The following NRXN2 variants were observed in gnomAD, a reference collection of about 807,000 sequenced individuals.
NRXN2 encodes the protein neurexin-2-beta.
In NRXN2, 29 loss-of-function variants were observed where a neutral mutation model predicts 128.8. That is an observed-to-expected ratio of 0.23 (90% CI 0.17 to 0.31). The LOEUF (loss-of-function observed/expected upper bound fraction) is 0.31, where lower values mean the gene tolerates loss of function less well. NRXN2 is among the 10% of genes least tolerant of loss of function. The pLI, the probability that NRXN2 is intolerant of heterozygous loss-of-function variation, is 1.00. For missense variants in NRXN2, 1,881 were observed against 2,452.6 expected (o/e 0.77, Z 4.92); for synonymous variants, 1,098 against 1,075.2 (o/e 1.02, Z -0.41).
At chr11:64,646,894 G>A (rs1263334262) in intron 17 of NRXN2, among the ~76,000 whole-genome samples, 5 of 152,202 alleles carry the variant, frequency 3.3e-5, no homozygotes, top group Non-Finnish European at 7.3e-5. Flanking sequence ...AAAATCTTGG[G>A]AGACAGAGTG....
At position 64,700,449 on chromosome 11, in the gene NRXN2, ATTAG is replaced by A. The variant is rs775635937; in HGVS notation, c.731-2661_731-2658del. ...TGCCCTCATAGGTTCCAGAGATTCCATTAGTTAGCCATGTGCTGGGCACCGTACT... is the reference window on the plus strand; with the variant it reads ...TGCCCTCATAGGTTCCAGAGATTCCATTAGCCATGTGCTGGGCACCGTACT... On this transcript the variant is annotated intron_variant, in intron 2 of 22. Coordinates refer to ENST00000265459, the MANE Select transcript of NRXN2 (RefSeq NM_015080.4). Among the ~76,000 whole-genome samples, 6 of 152,326 alleles carry A rather than the reference ATTAG, an allele frequency of 3.9e-5. No homozygotes were observed. The South Asian group carries it at 1.2e-3, about 32-fold the overall frequency.
At chr11:64,633,747 A>C (rs1477436423) in intron 18 of NRXN2, among the ~76,000 whole-genome samples, 1 of 151,942 alleles carries the variant, frequency 6.6e-6, no homozygotes, top group African/African-American at 2.4e-5. Context: ...ACACATCACC[A>C]TGCATCCAGT....
chr11:64,608,172 A>G, intron 22 of NRXN2, 90 bp from the exon 23 acceptor site: 2 of 999,244 alleles, frequency 2.0e-6, no homozygotes, highest in Admixed American at 4.0e-5. Flanking sequence ...ACAGCCTCAC[A>G]CACCCAAATC....
At chr11:64,677,527 C>G (rs1271167151) in intron 6 of NRXN2, among the ~76,000 whole-genome samples, 1 of 152,228 alleles carries the variant, frequency 6.6e-6, no homozygotes, top group Non-Finnish European at 1.5e-5. Context: ...CCTTGCCCCA[C>G]CTGTCCCTGC....
intron 17 of NRXN2, chr11:64,642,988 G>A: frequency 9.9e-7 from 1 of 1,011,536 alleles, no homozygotes; most frequent in Non-Finnish European, 1.2e-6. Flanking sequence ...CCGGGAAATC[G>A]GGGGTCCGCG....
chr11:64,718,270 C>T (rs1565488405), intron 1 of NRXN2, among the ~76,000 whole-genome samples: 2 of 152,144 alleles, frequency 1.3e-5, no homozygotes, highest in East Asian at 1.9e-4. Flanking sequence ...CACACAGCCC[C>T]CTCTCTGTCA....
chr11:64,689,359 C>T (rs1425557998), intron 5 of NRXN2, among the ~76,000 whole-genome samples: 3 of 151,946 alleles, frequency 2.0e-5, no homozygotes, highest in African/African-American at 7.3e-5. Context: ...CATGAGCCAC[C>T]GTGCCTGGCC....
intron 14 of NRXN2, among the ~76,000 whole-genome samples, 166 bp from the exon 15 acceptor site, chr11:64,650,804 T>C (rs1162239149): frequency 1.3e-5 from 2 of 151,908 alleles, no homozygotes; most frequent in African/African-American, 4.8e-5. Flanking sequence ...AGGGCTATGG[T>C]GTGAGGTCCT....
At position 64,668,458 on chromosome 11, in the gene NRXN2, C is replaced by T; in HGVS notation, c.1344G>A (p.Met448Ile). 6.8e-6 allele frequency: 11 copies of T among 1,613,968 alleles called. No homozygotes were observed. Among genetic ancestry groups the T allele is most frequent in the Non-Finnish European group, 9.3e-6 (11 of 1,180,024 alleles). ...LPGSPVSNNFMGCLKDVVYKN... is the reference protein window; with the variant it reads ...LPGSPVSNNFIGCLKDVVYKN... ...CCCTACTCACGTCCTTGAGGCAGCC[C>T]ATGAAGTTGTTGCTGACGGGCGAGC... is the stretch of plus-strand genomic sequence containing the variant. The change falls in exon 8 of 23, where the codon ATG (methionine) becomes ATA (isoleucine). Residue 448 changes from methionine to isoleucine, a missense_variant. Transcript: ENST00000265459.
At chr11:64,700,237 C>T (rs2055143356) in intron 2 of NRXN2, among the ~76,000 whole-genome samples, 1 of 152,184 alleles carries the variant, frequency 6.6e-6, no homozygotes, top group Non-Finnish European at 1.5e-5. Context: ...TCCCTGAGTA[C>T]CAGTCCTGTA....
intron 8 of NRXN2, 63 bp downstream of exon 8, chr11:64,668,380 A>C: frequency 6.3e-7 from 1 of 1,599,276 alleles, no homozygotes; most frequent in East Asian, 2.2e-5. Context: ...AGACTAAGTC[A>C]CGCTGAAGAC....
At position 64,650,469 on chromosome 11, in the gene NRXN2, C is replaced by T. The variant is rs765926131; in HGVS notation, c.3088G>A (p.Ala1030Thr). 3.8e-5 allele frequency: 62 copies of T among 1,614,018 alleles called. No individual in the cohort carries two copies. Among genetic ancestry groups the T allele is most frequent in the South Asian group, 1.1e-4 (10 of 91,078 alleles). ...CCACCTTTGAGATCGAGGTTTCGGG[C>T]GCCATTGGAGTGCTGCGTGACAGTG... ...SRTVTQHSNG[A>T]RNLDLKGELY... Residue 1030 changes from alanine to threonine, a missense_variant, in exon 15 of 23, where the codon GCC becomes ACC. By Grantham distance (58) the Ala-to-Thr change is moderately conservative. Coordinates refer to ENST00000265459, the MANE Select transcript of NRXN2 (RefSeq NM_015080.4).
In NRXN2 at chr11:64,635,476, C is replaced by T. The variant is rs200545169; in HGVS notation, c.3404-24G>A. On this transcript the variant is annotated intron_variant, in intron 17 of 22. Transcript: ENST00000265459. This position sits in a 1 kb window ranked among gnomAD's most constrained non-coding sequence, Gnocchi z 4.8. Reference sequence around the variant, plus strand: ...GGCTGCAGAGAGAAGGAAAGGGAGACAAGAAGAAATGACATCAGGAGGACG... The same window carrying T: ...GGCTGCAGAGAGAAGGAAAGGGAGATAAGAAGAAATGACATCAGGAGGACG... The T allele has an allele frequency of 2.2e-4, 361 of 1,612,966 alleles. 1 individual carries two copies. Among genetic ancestry groups the T allele is most frequent in the Middle Eastern group, 1.6e-3 (10 of 6,062 alleles).
At chr11:64,685,971 C>G in intron 5 of NRXN2, 24 bp from the exon 6 acceptor site, 3 of 1,613,868 alleles carry the variant, frequency 1.9e-6, no homozygotes, top group Non-Finnish European at 2.5e-6. Context: ...TGTGGGGAAA[C>G]GGGAGAAGGC....
At chr11:64,615,894 A>T (rs928579351) in intron 22 of NRXN2, among the ~76,000 whole-genome samples, 1 of 151,480 alleles carries the variant, frequency 6.6e-6, no homozygotes, top group Admixed American at 6.6e-5. Context: ...GTACAGGTCT[A>T]AGCACATGAA....
At position 64,623,480 on chromosome 11, in the gene NRXN2, C is replaced by T. The variant is rs1362762562; in HGVS notation, c.3848-402G>A. On this transcript the variant is annotated intron_variant, in intron 20 of 22. Transcript: ENST00000265459. This position sits in a 1 kb window ranked among gnomAD's most constrained non-coding sequence, Gnocchi z 4.9. ...CCCTCTGCTTCCCCAAACATCCTGCCCCAGTGTCCAGCCCCAAGCCCTGAA... is the reference window on the plus strand; with the variant it reads ...CCCTCTGCTTCCCCAAACATCCTGCTCCAGTGTCCAGCCCCAAGCCCTGAA... 9 of 269,890 alleles carry T rather than the reference C, an allele frequency of 3.3e-5. No homozygotes were observed. In the Admixed American group the frequency reaches 4.4e-4, roughly 13 times the overall value. The allele number at this position is 269,890 out of a possible 1,614,324, so 16.7% of individuals were successfully genotyped here. A position where few individuals can be genotyped will look rare whatever the true frequency, so the allele number is the denominator to read the frequency against.
intron 4 of NRXN2, among the ~76,000 whole-genome samples, chr11:64,692,484 T>G (rs2053929172): frequency 6.6e-6 from 1 of 151,100 alleles, no homozygotes; most frequent in African/African-American, 2.4e-5. Flanking sequence ...AACACCACCA[T>G]GAGAAAGAAA....
At chr11:64,666,859 G>A (rs1036079001) in intron 9 of NRXN2, among the ~76,000 whole-genome samples, 1 of 152,094 alleles carries the variant, frequency 6.6e-6, no homozygotes, top group Non-Finnish European at 1.5e-5. Context: ...CATCGCACCC[G>A]GCCGGAAGAT....
At chr11:64,670,891 C>A (rs1160843663) in intron 7 of NRXN2, among the ~76,000 whole-genome samples, 2 of 152,188 alleles carry the variant, frequency 1.3e-5, no homozygotes, top group African/African-American at 2.4e-5. Flanking sequence ...CCCACCTGAG[C>A]CCCTCAGCTG....
Sources: allele counts gnomAD v4.1 joint callset (sites outside exome capture counted in the v4.1 genomes callset), GRCh38; gene constraint gnomAD v4.1.1; non-coding constraint Gnocchi (gnomAD v3.1); transcripts MANE v1.5; gene names NCBI Gene and HGNC (gene_info 2026-07-23, HGNC 2026-07-21).